Variants in SOX6 observed in about 807,000 individuals in gnomAD.
SOX6 encodes the protein SRY-box transcription factor 6.
SOX6 carries 11 observed loss-of-function variants against 97.8 expected under a neutral mutation model. The ratio of observed to expected loss-of-function variants is 0.11; its 90% CI spans 0.07 to 0.19. The LOEUF is 0.19. Among genes scored for constraint, SOX6 ranks in the 10% least tolerant of loss-of-function variants. The pLI, the probability that SOX6 is intolerant of heterozygous loss-of-function variation, is 1.00. For synonymous variants in SOX6, 360 were observed against 371.4 expected, an observed-to-expected ratio of 0.97 and a Z score of 0.35; for missense variants, 810 against 1,039.5, an observed-to-expected ratio of 0.78 and a Z score of 3.04.
intron 6 of SOX6, among the ~76,000 whole-genome samples, chr11:16,112,451 G>A (rs1349737621): frequency 6.6e-6 from 1 of 152,098 alleles, no homozygotes; most frequent in Non-Finnish European, 1.5e-5. Context: ...TCAGATTTAA[G>A]GCTACTACAT....
chr11:15,976,483 T>G (rs1853490271), intron 15 of SOX6, among the ~76,000 whole-genome samples: 1 of 152,186 alleles, frequency 6.6e-6, no homozygotes, highest in South Asian at 2.1e-4. Flanking sequence ...TTTCCTCCTT[T>G]GGGAAGCTGG....
chr11:15,972,956 A>G lies in SOX6; in HGVS notation c.2340T>C (p.Tyr780=), dbSNP rs372783345. The G allele has an allele frequency of 8.1e-6, 13 of 1,614,144 alleles. No individual in the cohort carries two copies. The highest frequency in any genetic ancestry group is 6.7e-5 in the African/African-American group (5 of 75,034). ...GGCTTCCGCCATCTGTCTTCATACC[A>G]TAAGTGCTCTGGATGACCGGGAGGC... ...EPSLPVIQST[Y]GMKTDGGSLA... Residue 780 remains tyrosine (Y), a synonymous_variant, in exon 16 of 16, where the codon TAT becomes TAC. Coordinates refer to ENST00000683767, the MANE Select transcript of SOX6 (RefSeq NM_001367873.1).
chr11:16,210,868 G>A (rs1213946550), intron 4 of SOX6, among the ~76,000 whole-genome samples: 3 of 152,184 alleles, frequency 2.0e-5, no homozygotes, highest in Admixed American at 1.3e-4. Context: ...GGGATAGTAA[G>A]AGATAGTAAA....
At chr11:16,490,689 C>T (rs1461156640) in intron 4 of SOX6, among the ~76,000 whole-genome samples, 4 of 151,930 alleles carry the variant, frequency 2.6e-5, no homozygotes, top group Non-Finnish European at 4.4e-5. Context: ...AACTTAATGC[C>T]ATATTCTCAA....
chr11:16,399,323 A>G (rs1858477066), intron 1 of SOX6, among the ~76,000 whole-genome samples: 1 of 150,548 alleles, frequency 6.6e-6, no homozygotes, highest in South Asian at 2.1e-4. Flanking sequence ...TTAAAGCAGT[A>G]ATATTTTTAT....
chr11:16,327,443 A>T (rs1190756518), intron 2 of SOX6, among the ~76,000 whole-genome samples: 1 of 152,184 alleles, frequency 6.6e-6, no homozygotes, highest in Non-Finnish European at 1.5e-5. Context: ...GGAATAATAA[A>T]TACTAAACTA....
At chr11:16,388,134 G>GT (rs1381671494) in intron 1 of SOX6, among the ~76,000 whole-genome samples, 1 of 152,102 alleles carries the variant, frequency 6.6e-6, no homozygotes, top group East Asian at 1.9e-4. Context: ...ATTGCTGGGA[G>GT]TTTTTTAATT....
At chr11:16,130,263 T>C (rs550839427) in intron 6 of SOX6, among the ~76,000 whole-genome samples, 1 of 151,922 alleles carries the variant, frequency 6.6e-6, no homozygotes, top group South Asian at 2.1e-4. Flanking sequence ...TGAAACATTA[T>C]AAGGATAATG....
At chr11:16,582,735 C>T (rs1038462787) in intron 4 of SOX6, among the ~76,000 whole-genome samples, 2 of 151,934 alleles carry the variant, frequency 1.3e-5, no homozygotes, top group Non-Finnish European at 2.9e-5. Flanking sequence ...GTGGGTTTCT[C>T]AGTAAAATAT....
chr11:16,097,211 A>G (rs1004142983), intron 8 of SOX6, among the ~76,000 whole-genome samples: 1 of 151,890 alleles, frequency 6.6e-6, no homozygotes, highest in African/African-American at 2.4e-5. Flanking sequence ...CCCTTATTCT[A>G]TGAGCTACAA....
intron 3 of SOX6, among the ~76,000 whole-genome samples, chr11:16,261,008 T>C (rs1853873862): frequency 1.3e-5 from 2 of 152,302 alleles, no homozygotes; most frequent in South Asian, 4.1e-4. Context: ...ATTCAACCAC[T>C]CCATTTCATC....
At chr11:16,686,510 G>A (rs1847970486) in intron 3 of SOX6, among the ~76,000 whole-genome samples, 1 of 152,148 alleles carries the variant, frequency 6.6e-6, no homozygotes, top group African/African-American at 2.4e-5. Context: ...TCTTTGATAA[G>A]GTATCTCAAG....
At chr11:16,352,027 T>A (rs2134360450) in intron 1 of SOX6, among the ~76,000 whole-genome samples, 1 of 152,040 alleles carries the variant, frequency 6.6e-6, no homozygotes, top group East Asian at 1.9e-4. Context: ...CAGAAATAAA[T>A]TTAGGGTGTT....
chr11:16,356,576 A>G (rs1857082472), upstream of SOX6, among the ~76,000 whole-genome samples: 1 of 152,062 alleles, frequency 6.6e-6, no homozygotes, highest in Non-Finnish European at 1.5e-5. Context: ...GGGAAGGAAA[A>G]CAGAGATCGG....
At chr11:15,989,878 A>G (rs1162326972) in intron 13 of SOX6, among the ~76,000 whole-genome samples, 1 of 152,246 alleles carries the variant, frequency 6.6e-6, no homozygotes, top group African/African-American at 2.4e-5. Context: ...CAATTATAAC[A>G]AAGTGGGTGA....
intron 4 of SOX6, among the ~76,000 whole-genome samples, chr11:16,544,348 C>G: frequency 6.6e-6 from 1 of 152,126 alleles, no homozygotes; most frequent in East Asian, 1.9e-4. Flanking sequence ...CAGCCTCAGT[C>G]TCCTGGGCTC....
intron 13 of SOX6, among the ~76,000 whole-genome samples, chr11:16,007,742 T>C (rs547542296): frequency 1.3e-5 from 2 of 152,166 alleles, no homozygotes; most frequent in South Asian, 4.1e-4. Context: ...GTCCACAATC[T>C]CAAAAGCTAC....
At chr11:16,584,646 A>G (rs1848072844) in intron 4 of SOX6, among the ~76,000 whole-genome samples, 1 of 152,176 alleles carries the variant, frequency 6.6e-6, no homozygotes, top group South Asian at 2.1e-4. Context: ...ACTGCCTTCA[A>G]AAAGGAACCT....
intron 4 of SOX6, among the ~76,000 whole-genome samples, chr11:16,482,755 T>TA (rs1860364589): frequency 1.4e-5 from 2 of 146,818 alleles, no homozygotes; most frequent in Non-Finnish European, 3.0e-5. Context: ...GAGTATGTAG[T>TA]GTAAGTGCCT....
Sources: allele counts gnomAD v4.1 joint callset (sites outside exome capture counted in the v4.1 genomes callset), GRCh38; gene constraint gnomAD v4.1.1; transcripts MANE v1.5; gene names NCBI Gene and HGNC (gene_info 2026-07-23, HGNC 2026-07-21).